Variants in GRIA1 observed in about 807,000 individuals in gnomAD.
The protein encoded by GRIA1 is glutamate receptor 1.
A neutral mutation model predicts 99.2 loss-of-function variants in GRIA1; 31 were observed. The observed-to-expected ratio is 0.31, with a 90% confidence interval of 0.23 to 0.42. The LOEUF is 0.42. Among genes scored for constraint, GRIA1 ranks in the 10% least tolerant of loss-of-function variants. The pLI, the probability that GRIA1 is intolerant of heterozygous loss-of-function variation, is 1.00. For missense variants in GRIA1, 782 were observed against 1,157.5 expected (o/e 0.68, Z 4.71); for synonymous variants, 438 against 432.4 (o/e 1.01, Z -0.16).
At chr5:153,677,639 T>C (rs1039809514) in intron 7 of GRIA1, among the ~76,000 whole-genome samples, 30 of 152,216 alleles carry the variant, frequency 2.0e-4, no homozygotes, top group Non-Finnish European at 7.3e-5. Flanking sequence ...TCATCAATTA[T>C]GTTTGCACTT....
intron 2 of GRIA1, among the ~76,000 whole-genome samples, chr5:153,633,732 G>C (rs1328682430): frequency 2.0e-5 from 3 of 152,176 alleles, no homozygotes; most frequent in African/African-American, 7.2e-5. Context: ...CCAAAGAGGA[G>C]AAATGACTAA....
chr5:153,510,175 C>T (rs940057083), intron 2 of GRIA1, among the ~76,000 whole-genome samples: 6 of 152,102 alleles, frequency 3.9e-5, no homozygotes, highest in East Asian at 1.9e-4. Context: ...TATTTGGGAG[C>T]GAGAAGACAA....
At chr5:153,536,314 A>T (rs954312140) in intron 2 of GRIA1, among the ~76,000 whole-genome samples, 1 of 151,970 alleles carries the variant, frequency 6.6e-6, no homozygotes, top group South Asian at 2.1e-4. Flanking sequence ...CCAAGTTTAG[A>T]TCTAATCCCT....
intron 2 of GRIA1, among the ~76,000 whole-genome samples, chr5:153,584,034 C>A (rs947546701): frequency 5.3e-5 from 8 of 152,184 alleles, no homozygotes; most frequent in Non-Finnish European, 1.2e-4. Flanking sequence ...ACTTACTACT[C>A]CAGTGTAACT....
chr5:153,763,522 A>G (rs1170526354), intron 11 of GRIA1, among the ~76,000 whole-genome samples: 1 of 152,224 alleles, frequency 6.6e-6, no homozygotes, highest in Non-Finnish European at 1.5e-5. Flanking sequence ...GAGAAATGAA[A>G]TGCAAATAAC....
At chr5:153,667,146 T>C (rs1003314513) in intron 5 of GRIA1, among the ~76,000 whole-genome samples, 3 of 152,216 alleles carry the variant, frequency 2.0e-5, no homozygotes, top group Non-Finnish European at 4.4e-5. Context: ...ACAAGTTCTT[T>C]GATTTTTCTC....
intron 8 of GRIA1, among the ~76,000 whole-genome samples, chr5:153,686,689 G>T (rs1331279438): frequency 6.6e-6 from 1 of 152,198 alleles, no homozygotes; most frequent in East Asian, 1.9e-4. Context: ...TGAGAATGAT[G>T]ATTATTGATG....
At chr5:153,783,033 G>A (rs1052918592) in intron 13 of GRIA1, among the ~76,000 whole-genome samples, 1 of 152,184 alleles carries the variant, frequency 6.6e-6, no homozygotes, top group African/African-American at 2.4e-5. Context: ...CTGGAGGTGG[G>A]AGACCTGCAG....
chr5:153,747,948 T>A (rs13358629), intron 11 of GRIA1, among the ~76,000 whole-genome samples: 2,479 of 152,358 alleles, frequency 0.016, 75 homozygotes, highest in African/African-American at 0.057. Context: ...CAGTCCTCAG[T>A]AAACATTTGT....
chr5:153,566,482 T>A (rs1761637687), intron 2 of GRIA1, among the ~76,000 whole-genome samples: 1 of 150,332 alleles, frequency 6.7e-6, no homozygotes, highest in Non-Finnish European at 1.5e-5. Flanking sequence ...TTTTTTGCAT[T>A]TTTAGTAGAG....
chr5:153,614,798 A>G (rs185038295), intron 2 of GRIA1, among the ~76,000 whole-genome samples: 25 of 152,358 alleles, frequency 1.6e-4, no homozygotes, highest in African/African-American at 6.0e-4. Context: ...TAACAAATTC[A>G]TTTATTGCTG....
chr5:153,688,721 C>CTTTT (rs921251469), intron 8 of GRIA1, among the ~76,000 whole-genome samples: 8,725 of 149,650 alleles, frequency 0.058, 267 homozygotes, highest in Middle Eastern at 0.11. Flanking sequence ...CTTTCAGATT[C>CTTTT]TTTTTTTGTT....
chr5:153,637,464 G>C (rs191642690), intron 2 of GRIA1, among the ~76,000 whole-genome samples: 2 of 152,264 alleles, frequency 1.3e-5, no homozygotes, highest in Admixed American at 1.3e-4. Flanking sequence ...CAGCATACAC[G>C]TTGAGTCACT....
chr5:153,807,220 C>A (rs996748682), intron 15 of GRIA1, among the ~76,000 whole-genome samples: 1 of 152,178 alleles, frequency 6.6e-6, no homozygotes, highest in African/African-American at 2.4e-5. Context: ...CTACAGGCAT[C>A]CCTTCCACAA....
At chr5:153,629,362 A>G (rs958049720) in intron 2 of GRIA1, among the ~76,000 whole-genome samples, 2 of 152,190 alleles carry the variant, frequency 1.3e-5, no homozygotes, top group African/African-American at 4.8e-5. Flanking sequence ...CAGTGAAGTG[A>G]GAAGATTGGA....
chr5:153,771,527 A>G (rs1763881600), intron 13 of GRIA1, among the ~76,000 whole-genome samples: 1 of 152,226 alleles, frequency 6.6e-6, no homozygotes, highest in Non-Finnish European at 1.5e-5. Context: ...TCATGCCACT[A>G]CATTCTTGCA....
At chr5:153,608,823 A>G (rs1765686078) in intron 2 of GRIA1, among the ~76,000 whole-genome samples, 1 of 152,032 alleles carries the variant, frequency 6.6e-6, no homozygotes, top group African/African-American at 2.4e-5. Flanking sequence ...CTGGACATTG[A>G]ATTTGCAAAA....
At chr5:153,526,859 ACT>A (rs1298959911) in intron 2 of GRIA1, among the ~76,000 whole-genome samples, 1 of 152,074 alleles carries the variant, frequency 6.6e-6, no homozygotes, top group Non-Finnish European at 1.5e-5. Context: ...CAGCTTCATG[ACT>A]CTATGCTAAA....
chr5:153,671,719 T>C (rs1756192181), intron 5 of GRIA1, among the ~76,000 whole-genome samples: 2 of 152,216 alleles, frequency 1.3e-5, no homozygotes, highest in African/African-American at 4.8e-5. Flanking sequence ...TCTCTGGCTT[T>C]TATTTGTTCA....
Sources: allele counts gnomAD v4.1 joint callset (sites outside exome capture counted in the v4.1 genomes callset), GRCh38; gene constraint gnomAD v4.1.1; transcripts MANE v1.5; gene names NCBI Gene and HGNC (gene_info 2026-07-23, HGNC 2026-07-21).